Variants in SERPINA5 observed in about 807,000 individuals in gnomAD.
SERPINA5 encodes serpin family A member 5, also known as plasma serine protease inhibitor.
SERPINA5 carries 25 observed loss-of-function variants against 25.3 expected under a neutral mutation model. The observed-to-expected ratio is 0.99, with a 90% CI of 0.72 to 1.38. The LOEUF (loss-of-function observed/expected upper bound fraction) is 1.38. Ranked by LOEUF, SERPINA5 falls within the 40% of genes most tolerant of loss-of-function variation. The pLI, the probability that SERPINA5 is intolerant of heterozygous loss-of-function variation, is 0.00. For synonymous variants in SERPINA5, 234 were observed against 206.2 expected (o/e 1.14, Z -1.16); for missense variants, 599 against 509.5 (o/e 1.18, Z -1.69).
At chr14:94,591,942 G>A in intron 5 of SERPINA5, 115 bp from the exon 6 acceptor site, 1 of 1,165,708 alleles carries the variant, frequency 8.6e-7, no homozygotes, top group Non-Finnish European at 1.2e-6. Context: ...CTTGCTCCAT[G>A]GCTCAGTTGA....
At chr14:94,588,193 TC>T (rs879447072) in intron 3 of SERPINA5, among the ~76,000 whole-genome samples, 2 of 152,296 alleles carry the variant, frequency 1.3e-5, no homozygotes, top group South Asian at 4.1e-4. Flanking sequence ...AGATGCTGTT[TC>T]CTCCACGGAG....
rs1464727925 is a variant in SERPINA5 at position 94,587,565 on chromosome 14, C to A, written c.203C>A (p.Ser68Tyr). ...SAAPSQSIFFSPVSISMSLAM... is the reference protein window; with the variant it reads ...SAAPSQSIFFYPVSISMSLAM... ...GCCCCCAGCCAGAGCATCTTCTTCT[C>A]CCCTGTGAGCATCTCCATGAGCCTG... The change falls in exon 3 of 6, where the codon TCC becomes TAC. Residue 68 changes from serine to tyrosine, a missense_variant. Ser to Tyr is a moderately radical substitution (Grantham distance 144, BLOSUM62 -2). Transcript: ENST00000329597. 3 of 1,613,966 alleles carry A rather than the reference C, an allele frequency of 1.9e-6. No homozygotes were observed. The African/African-American group carries it at 4.0e-5, about 22-fold the overall frequency.
intron 5 of SERPINA5, 39 bp from the exon 6 acceptor site, chr14:94,592,018 C>T (rs755407120): frequency 6.3e-7 from 1 of 1,586,240 alleles, no homozygotes; most frequent in Admixed American, 1.7e-5. Context: ...ACTTCACCTG[C>T]CCCTAGTGGC....
chr14:94,584,215 A>G (rs1025240016), intron 2 of SERPINA5, among the ~76,000 whole-genome samples: 2 of 152,216 alleles, frequency 1.3e-5, no homozygotes, highest in Non-Finnish European at 2.9e-5. Context: ...ATCACTCAGT[A>G]GCTGAAACAA....
At chr14:94,589,244 C>T (rs766275077) in intron 3 of SERPINA5, among the ~76,000 whole-genome samples, 9 of 152,050 alleles carry the variant, frequency 5.9e-5, no homozygotes, top group Non-Finnish European at 1.0e-4. Flanking sequence ...GTCAGGAGTT[C>T]GAGATCAGCC....
At chr14:94,585,540 G>T (rs577129590) in intron 2 of SERPINA5, among the ~76,000 whole-genome samples, 9 of 152,312 alleles carry the variant, frequency 5.9e-5, no homozygotes, top group Non-Finnish European at 8.8e-5. Flanking sequence ...CCACCCACCT[G>T]TTTGGGGCCC....
chr14:94,589,004 T>A (rs548543669), intron 3 of SERPINA5, among the ~76,000 whole-genome samples: 2 of 152,288 alleles, frequency 1.3e-5, no homozygotes, highest in African/African-American at 4.8e-5. Flanking sequence ...ACACAAACAT[T>A]GAGACCACAG....
At chr14:94,588,569 T>C (rs1168823186) in intron 3 of SERPINA5, among the ~76,000 whole-genome samples, 1 of 151,190 alleles carries the variant, frequency 6.6e-6, no homozygotes, top group Non-Finnish European at 1.5e-5. Context: ...AAAGCAAGAG[T>C]GGATAGAGAG....
rs930829087 is a variant in SERPINA5, at chr14:94,592,121, C to A, written c.1103C>A (p.Thr368Lys). 4.3e-6 allele frequency: 7 copies of A among 1,614,150 alleles called. No homozygotes were observed. Among genetic ancestry groups the A allele is most frequent in the Non-Finnish European group, 5.9e-6 (7 of 1,180,022 alleles). ...ACCAGAGCAGCGGCAGCCACGGGGA[C>A]AATATTCACTTTCAGGTCGGCCCGC... Reference protein sequence around the residue: ...SGTRAAAATGTIFTFRSARLN... With the variant: ...SGTRAAAATGKIFTFRSARLN... The change falls in exon 6 of 6, where the codon ACA becomes AAA. Residue 368 changes from threonine (T) to lysine (K), a missense_variant. By Grantham distance (78) the Thr-to-Lys change is moderately conservative. Coordinates refer to ENST00000329597, the MANE Select transcript of SERPINA5 (RefSeq NM_000624.6).
chr14:94,591,450 A>G (rs201147419), intron 5 of SERPINA5, among the ~76,000 whole-genome samples: 1 of 142,830 alleles, frequency 7.0e-6, no homozygotes, highest in African/African-American at 2.7e-5. Flanking sequence ...CATTGCAGTC[A>G]ACTCCACTCC....
Position 94,588,459 on chromosome 14 carries a change from C to T in SERPINA5, c.619+478C>T, listed in dbSNP as rs552706732. 1.4e-4 allele frequency among the ~76,000 whole-genome samples: 21 copies of T among 152,282 alleles called. No homozygotes were observed. The South Asian group carries it at 4.1e-3, about 30-fold the overall frequency. ...GCTTGTTCCTCTGAAATGCCTCCTCCTGACTCCTCAGCAAGAGCTGACCTC... is the reference window on the plus strand; with the variant it reads ...GCTTGTTCCTCTGAAATGCCTCCTCTTGACTCCTCAGCAAGAGCTGACCTC... On this transcript the variant is annotated intron_variant, in intron 3 of 5. Coordinates refer to ENST00000329597, the MANE Select transcript of SERPINA5 (RefSeq NM_000624.6).
chr14:94,589,452 A>C (rs1224975913), intron 3 of SERPINA5, among the ~76,000 whole-genome samples: 1 of 152,096 alleles, frequency 6.6e-6, no homozygotes, highest in Non-Finnish European at 1.5e-5. Flanking sequence ...CATCTCAAAA[A>C]GAAGAAAAAA....
In SERPINA5 at chr14:94,587,691, G is replaced by T. The variant is rs1042538803; in HGVS notation, c.329G>T (p.Gly110Val). 1 of 1,614,058 alleles carries T rather than the reference G, an allele frequency of 6.2e-7. No homozygotes were observed. The highest frequency in any genetic ancestry group is 1.3e-5 in the African/African-American group (1 of 74,942). Residue 110 changes from glycine to valine, a missense_variant, in exon 3 of 6, where the codon GGC becomes GTC. Physicochemically the swap from Gly to Val is moderately radical, Grantham distance 109 (BLOSUM62 -3). Transcript: ENST00000329597. ...QKSSEKELHRGFQQLLQELNQ... is the reference protein window; with the variant it reads ...QKSSEKELHRVFQQLLQELNQ... The stretch of plus-strand genomic sequence containing the variant: ...AGCTCAGAGAAGGAGCTGCACAGAG[G>T]CTTTCAGCAGCTCCTTCAGGAACTC...
At chr14:94,583,838 A>T (rs546169278) in intron 2 of SERPINA5, among the ~76,000 whole-genome samples, 1 of 152,342 alleles carries the variant, frequency 6.6e-6, no homozygotes, top group African/African-American at 2.4e-5. Context: ...CAAAGCACTC[A>T]GTAGAGGCTG....
At position 94,592,375 on chromosome 14, in the gene SERPINA5, C is replaced by G; in HGVS notation, c.*136C>G. The G allele has an allele frequency of 1.2e-6, 1 of 850,444 alleles. No homozygotes were observed. Among genetic ancestry groups the G allele is most frequent in the Non-Finnish European group, 1.8e-6 (1 of 552,768 alleles). 52.7% of individuals were successfully genotyped at this position (850,444 alleles called of 1,614,324 possible). ...ATGAGGCATTACAAATAATATTACT[C>G]TATGATGATTGCTTCCACCCACACG... is the stretch of plus-strand genomic sequence containing the variant. On this transcript the variant is annotated 3_prime_UTR_variant, in exon 6 of 6. Transcript: ENST00000329597.
chr14:94,587,995 G>A lies in SERPINA5; in HGVS notation c.619+14G>A, dbSNP rs1324123465. 15 of 1,602,258 alleles carry A rather than the reference G, an allele frequency of 9.4e-6. No homozygotes were observed. Among genetic ancestry groups the A allele is most frequent in the Non-Finnish European group, 1.1e-5 (13 of 1,173,656 alleles). ...TCTTCTTTAAAGGTAAGGCCCTTGG[G>A]CCCAAACCTGCACTTTCTTTGGCTT... On this transcript the variant is annotated intron_variant, in intron 3 of 5. Coordinates refer to ENST00000329597, the MANE Select transcript of SERPINA5 (RefSeq NM_000624.6).
Position 94,586,194 on chromosome 14 carries a change from G to A in SERPINA5, c.-17-1152G>A, listed in dbSNP as rs1885075952. 2.6e-5 allele frequency among the ~76,000 whole-genome samples: 4 copies of A among 152,178 alleles called. No homozygotes were observed. In the South Asian group the frequency reaches 8.3e-4, roughly 31 times the overall value. ...GCCAAGGCCACGTCAGGAGTGATGG[G>A]AGACCCCACAAAGGCCTCCCTGAGA... is the stretch of plus-strand genomic sequence containing the variant. On this transcript the variant is annotated intron_variant, in intron 2 of 5. Coordinates refer to ENST00000329597, the MANE Select transcript of SERPINA5 (RefSeq NM_000624.6).
chr14:94,590,468 G>C (rs529743375), intron 4 of SERPINA5, 157 bp downstream of exon 4: 2 of 1,006,380 alleles, frequency 2.0e-6, no homozygotes, highest in African/African-American at 1.6e-5. Context: ...AGTCCTGGGG[G>C]CCTAGCCCAG....
Position 94,592,108 on chromosome 14 carries a change from G to A in SERPINA5, c.1090G>A (p.Ala364Thr), listed in dbSNP as rs774069374. ...EVDESGTRAAAATGTIFTFRS... is the reference protein window; with the variant it reads ...EVDESGTRAATATGTIFTFRS... ...GGACGAGTCGGGAACCAGAGCAGCG[G>A]CAGCCACGGGGACAATATTCACTTT... The change falls in exon 6 of 6, where the codon GCA (alanine) becomes ACA (threonine). Residue 364 changes from alanine to threonine, a missense_variant. Transcript: ENST00000329597. The A allele has an allele frequency of 2.2e-5, 36 of 1,613,990 alleles. No homozygotes were observed. Among genetic ancestry groups the A allele is most frequent in the Non-Finnish European group, 3.1e-5 (36 of 1,179,974 alleles).
Sources: allele counts gnomAD v4.1 joint callset (sites outside exome capture counted in the v4.1 genomes callset), GRCh38; gene constraint gnomAD v4.1.1; transcripts MANE v1.5; gene names NCBI Gene and HGNC (gene_info 2026-07-23, HGNC 2026-07-21).